Variants in SETD2 observed in about 807,000 individuals in gnomAD.
SETD2 encodes histone-lysine N-methyltransferase SETD2.
SETD2 carries 31 observed loss-of-function variants against 242.1 expected under a neutral mutation model. The observed-to-expected ratio is 0.13, with a 90% CI of 0.10 to 0.17. SETD2 has a LOEUF of 0.17. Ranked by LOEUF, SETD2 falls within the 10% of genes least tolerant of loss-of-function variation. The pLI is 1.00. For synonymous variants in SETD2, 1,006 were observed against 1,066.5 expected, an observed-to-expected ratio of 0.94 and a Z score of 1.11; for missense variants, 2,481 against 3,046.3, an observed-to-expected ratio of 0.81 and a Z score of 4.37.
intron 7 of SETD2, among the ~76,000 whole-genome samples, chr3:47,102,772 C>CAA (rs5848821): frequency 0.019 from 1,841 of 97,486 alleles, 55 homozygotes; most frequent in African/African-American, 0.049. Context: ...CCAGCCTGGG[C>CAA]AAAAAAAAAA....
chr3:47,132,122 T>G (rs1196095647), intron 1 of SETD2, among the ~76,000 whole-genome samples: 1 of 150,652 alleles, frequency 6.6e-6, no homozygotes, highest in African/African-American at 2.5e-5. Context: ...TATATGAACA[T>G]ACACATATCT....
chr3:47,088,367 G>A (rs2041656244), intron 9 of SETD2, 120 bp from the exon 10 acceptor site: 2 of 907,874 alleles, frequency 2.2e-6, no homozygotes, highest in African/African-American at 1.7e-5. Flanking sequence ...AGACCAAACT[G>A]GGAAAGTACT....
chr3:47,159,094 G>C (rs371239305), intron 1 of SETD2, among the ~76,000 whole-genome samples: 119 of 152,112 alleles, frequency 7.8e-4, no homozygotes, highest in African/African-American at 2.8e-3. Flanking sequence ...TGGGGAAAAT[G>C]TAAGATTCCA....
chr3:47,060,344 T>C (rs557439832), intron 14 of SETD2, among the ~76,000 whole-genome samples: 2 of 152,220 alleles, frequency 1.3e-5, no homozygotes, highest in African/African-American at 4.8e-5. Flanking sequence ...CTTTGGTGGG[T>C]AGGGTTCTAA....
Position 47,152,199 on chromosome 3 carries a change from T to C in SETD2, c.71+11655A>G, listed in dbSNP as rs146992334. 3.6e-3 allele frequency among the ~76,000 whole-genome samples: 546 copies of C among 152,336 alleles called. 4 individuals are homozygous for C. Among genetic ancestry groups the C allele is most frequent in the African/African-American group, 0.013 (521 of 41,576 alleles). On this transcript the variant is annotated intron_variant, in intron 1 of 20. Transcript: ENST00000409792. Reference sequence around the variant, plus strand: ...TACCTTGAGGCAAACTTGAAGAGATTTTCACCAATTTCTAAAATGTTGTAT... The same window carrying C: ...TACCTTGAGGCAAACTTGAAGAGATCTTCACCAATTTCTAAAATGTTGTAT...
At chr3:47,059,673 C>T (rs554790204) in intron 14 of SETD2, among the ~76,000 whole-genome samples, 9 of 152,270 alleles carry the variant, frequency 5.9e-5, no homozygotes, top group Admixed American at 5.9e-4. Flanking sequence ...TCGCCTCGGC[C>T]TCCCAAAGTG....
chr3:47,091,396 G>A lies in SETD2; in HGVS notation c.5143-3149C>T, dbSNP rs1181258107. On this transcript the variant is annotated intron_variant, in intron 9 of 20. Transcript: ENST00000409792. The stretch of plus-strand genomic sequence containing the variant: ...TAATCCCAGCACTTGAGAGGCCAAG[G>A]CGGACAGATCACCTGAGGCCAGGAG... Among the ~76,000 whole-genome samples the A allele has an allele frequency of 2.6e-5, 4 of 152,136 alleles. No individual in the cohort carries two copies. In the East Asian group the frequency reaches 5.8e-4, roughly 22 times the overall value.
chr3:47,051,565 A>C (rs1025256754), intron 15 of SETD2, among the ~76,000 whole-genome samples: 3 of 152,298 alleles, frequency 2.0e-5, no homozygotes, highest in Middle Eastern at 3.4e-3. Flanking sequence ...GCTCCCCCTA[A>C]GACCCTATTG....
At chr3:47,158,683 T>C (rs139413884) in intron 1 of SETD2, among the ~76,000 whole-genome samples, 1 of 152,210 alleles carries the variant, frequency 6.6e-6, no homozygotes, top group Non-Finnish European at 1.5e-5. Context: ...AGTATCCTAG[T>C]AGCAGTTAAG....
intron 1 of SETD2, among the ~76,000 whole-genome samples, chr3:47,134,562 T>C (rs1233440504): frequency 5.9e-5 from 9 of 152,154 alleles, no homozygotes; most frequent in Non-Finnish European, 1.5e-5. Flanking sequence ...GAGCTGGGCT[T>C]ATGGCAAATG....
intron 1 of SETD2, among the ~76,000 whole-genome samples, chr3:47,145,774 G>C (rs2043836419): frequency 6.6e-6 from 1 of 152,040 alleles, no homozygotes; most frequent in Non-Finnish European, 1.5e-5. Flanking sequence ...TCAGCACTTT[G>C]GGAGGCCCCC....
chr3:47,128,051 A>G (rs1368334277), intron 1 of SETD2, among the ~76,000 whole-genome samples: 1 of 152,118 alleles, frequency 6.6e-6, no homozygotes, highest in East Asian at 1.9e-4. Flanking sequence ...AGTATCTATA[A>G]ACAGTTCAAT....
intron 12 of SETD2, among the ~76,000 whole-genome samples, chr3:47,082,056 G>A (rs990255267): frequency 3.3e-5 from 5 of 152,076 alleles, no homozygotes; most frequent in African/African-American, 4.8e-5. Context: ...TAATTTTGTA[G>A]GACTCAAATG....
intron 6 of SETD2, among the ~76,000 whole-genome samples, chr3:47,105,430 C>T (rs2042373662): frequency 2.9e-5 from 4 of 136,156 alleles, no homozygotes; most frequent in Non-Finnish European, 1.6e-5. Context: ...AAAAAAAAGG[C>T]ACTCTGGGGG....
intron 14 of SETD2, among the ~76,000 whole-genome samples, chr3:47,059,108 C>CTTT (rs111615859): frequency 1.1e-3 from 110 of 104,566 alleles, no homozygotes; most frequent in Non-Finnish European, 1.4e-3. Flanking sequence ...CACGCCTGGC[C>CTTT]TTTTTTTTTT....
chr3:47,065,781 A>G (rs2040532444), intron 13 of SETD2, among the ~76,000 whole-genome samples: 1 of 152,192 alleles, frequency 6.6e-6, no homozygotes, highest in Non-Finnish European at 1.5e-5. Context: ...CTCAGCCTGC[A>G]TGACAGAATA....
chr3:47,087,208 C>CAA (rs531462349), intron 10 of SETD2, among the ~76,000 whole-genome samples: 9 of 93,076 alleles, frequency 9.7e-5, no homozygotes, highest in East Asian at 5.8e-4. Flanking sequence ...TGAATTATTA[C>CAA]AAAAAAAAAA....
intron 1 of SETD2, 46 bp from the exon 2 acceptor site, chr3:47,126,709 T>C (rs2043340561): frequency 9.1e-7 from 1 of 1,101,374 alleles, no homozygotes; most frequent in East Asian, 2.6e-5. Flanking sequence ...TAAAAAGAAA[T>C]CATAAATACT....
chr3:47,020,551 G>A (rs964530769), intron 18 of SETD2, among the ~76,000 whole-genome samples: 2 of 152,136 alleles, frequency 1.3e-5, no homozygotes, highest in Non-Finnish European at 2.9e-5. Context: ...ACTAGGTACT[G>A]CACCAGGAGG....
Sources: allele counts gnomAD v4.1 joint callset (sites outside exome capture counted in the v4.1 genomes callset), GRCh38; gene constraint gnomAD v4.1.1; transcripts MANE v1.5; gene names NCBI Gene and HGNC (gene_info 2026-07-23, HGNC 2026-07-21).